The following DENND4C variants were observed in gnomAD, a reference collection of about 807,000 sequenced individuals.
DENND4C encodes DENN domain-containing protein 4C.
In DENND4C, 108 loss-of-function variants were observed where a neutral mutation model predicts 203.0. The ratio of observed to expected loss-of-function variants is 0.53; its 90% CI spans 0.46 to 0.62. The LOEUF (loss-of-function observed/expected upper bound fraction) is 0.62. DENND4C is among the 20% of genes least tolerant of loss of function. The probability of loss-of-function intolerance (pLI) is 0.00; values close to 1 mark genes in which losing one functional copy is unlikely to be tolerated. For missense variants in DENND4C, 2,481 were observed against 2,301.2 expected (o/e 1.08, Z -1.60); for synonymous variants, 871 against 792.4 (o/e 1.10, Z -1.67).
chr9:19,350,951 C>T lies in DENND4C; in HGVS notation c.4495+72C>T, dbSNP rs73648908. 14,041 of 1,454,682 alleles carry T rather than the reference C, an allele frequency of 9.7e-3. 1,110 individuals are homozygous for T. In the African/African-American group the frequency reaches 0.18, roughly 18 times the overall value. 90.1% of individuals were successfully genotyped at this position (1,454,682 alleles called of 1,614,324 possible). A position where few individuals can be genotyped will look rare whatever the true frequency, so the allele number is the denominator to read the frequency against. ...TGCTTTTTTTTTTTAATTTAAGAGA[C>T]GGGGTTTTGTCTTGTTGCCCAGGCT... On this transcript the variant is annotated intron_variant, in intron 24 of 32. Transcript: ENST00000434457.
At position 19,338,216 on chromosome 9, in the gene DENND4C, T is replaced by C. The variant is rs533751550; in HGVS notation, c.2881+1384T>C. 2.6e-5 allele frequency among the ~76,000 whole-genome samples: 4 copies of C among 152,304 alleles called. No homozygotes were observed. The South Asian group carries it at 8.3e-4, about 32-fold the overall frequency. ...TAAAGCCACCATATTTTATTTCCTCTAGTATTTTTTTCATGATACTTGTAG... is the reference window on the plus strand; with the variant it reads ...TAAAGCCACCATATTTTATTTCCTCCAGTATTTTTTTCATGATACTTGTAG... On this transcript the variant is annotated intron_variant, in intron 20 of 32. Coordinates refer to ENST00000434457, the MANE Select transcript of DENND4C (RefSeq NM_001330640.2).
chr9:19,346,515 G>T lies in DENND4C; in HGVS notation c.3746G>T (p.Gly1249Val), dbSNP rs780309738. ...KVVQREDVET[G>V]LDPLSLLATE... ...GTTCAGAGGGAAGATGTTGAAACTG[G>T]ACTAGATCCTTTGTCTCTTTTAGCC... is the stretch of plus-strand genomic sequence containing the variant. Residue 1249 changes from glycine (G) to valine (V), a missense_variant, in exon 23 of 33, where the codon GGA becomes GTA. Physicochemically the swap from Gly to Val is moderately radical, Grantham distance 109. Transcript: ENST00000434457. The T allele has an allele frequency of 1.2e-6, 2 of 1,614,138 alleles. No individual in the cohort carries two copies. Among genetic ancestry groups the T allele is most frequent in the Non-Finnish European group, 1.7e-6 (2 of 1,180,034 alleles).
At chr9:19,359,994 G>A (rs1826134831) in intron 28 of DENND4C, among the ~76,000 whole-genome samples, 1 of 151,992 alleles carries the variant, frequency 6.6e-6, no homozygotes, top group African/African-American at 2.4e-5. Flanking sequence ...TCAGGCCATT[G>A]CTCTCAGTGT....
intron 1 of DENND4C, among the ~76,000 whole-genome samples, chr9:19,250,549 A>G (rs1826301554): frequency 1.3e-5 from 2 of 152,122 alleles, no homozygotes; most frequent in Admixed American, 1.3e-4. Context: ...ACTCATTTTG[A>G]CATTAACTCA....
Position 19,361,829 on chromosome 9 carries a change from C to T in DENND4C, c.5407-17C>T. On this transcript the variant is annotated splice_polypyrimidine_tract_variant and intron_variant, in intron 29 of 32. Coordinates refer to ENST00000434457, the MANE Select transcript of DENND4C (RefSeq NM_001330640.2). ...GTTATTCTCGGGATACTAATACTTT[C>T]TTTTGATTTCTTTTAGCTTCCTCTG... The T allele has an allele frequency of 2.1e-6, 3 of 1,452,108 alleles. No individual in the cohort carries two copies. Among genetic ancestry groups the T allele is most frequent in the Non-Finnish European group, 2.9e-6 (3 of 1,033,602 alleles). 90.0% of individuals were successfully genotyped at this position (1,452,108 alleles called of 1,614,324 possible).
Position 19,350,715 on chromosome 9 carries a change from G to C in DENND4C, c.4331G>C (p.Arg1444Thr). The C allele has an allele frequency of 1.2e-6, 2 of 1,608,982 alleles. No individual in the cohort carries two copies. The highest frequency in any genetic ancestry group is 4.5e-5 in the East Asian group (2 of 44,840). The change falls in exon 24 of 33, where the codon AGA becomes ACA. Residue 1444 changes from arginine to threonine, a missense_variant. This residue lies in a region of DENND4C where 2,289 missense variants were observed against 2,113.3 expected (regional missense o/e 1.08). Transcript: ENST00000434457. ...TTTCAATTAAAGGAAGAAACTAATAGAGACTACAGCTTCCCAGCTGGCCTA... is the reference window on the plus strand; with the variant it reads ...TTTCAATTAAAGGAAGAAACTAATACAGACTACAGCTTCCCAGCTGGCCTA... Reference protein sequence around the residue: ...SYSDDEEETNRDYSFPAGLED... With the variant: ...SYSDDEEETNTDYSFPAGLED...
Position 19,346,754 on chromosome 9 carries a change from C to T in DENND4C, c.3985C>T (p.Pro1329Ser), listed in dbSNP as rs747227882. 3 of 1,614,146 alleles carry T rather than the reference C, an allele frequency of 1.9e-6. 1 individual carries two copies. In the South Asian group the frequency reaches 3.3e-5, roughly 18 times the overall value. ...IHALERRSSL[P>S]LDHGSPAQEN... is the part of the protein sequence containing the mutation. ...TGCTCTAGAGAGGAGATCAAGCCTACCTTTAGATCATGGTTCACCAGCACA... is the reference window on the plus strand; with the variant it reads ...TGCTCTAGAGAGGAGATCAAGCCTATCTTTAGATCATGGTTCACCAGCACA... Residue 1329 changes from proline (P) to serine (S), a missense_variant, in exon 23 of 33, where the codon CCT becomes TCT. Physicochemically the swap from Pro to Ser is moderately conservative, Grantham distance 74. Around this residue, in one of 3 missense-constraint regions of DENND4C, gnomAD observed 2,289 missense variants for 2,113.3 expected, o/e 1.08. Transcript: ENST00000434457.
intron 4 of DENND4C, 135 bp downstream of exon 4, chr9:19,288,800 G>A (rs969241746): frequency 2.3e-6 from 1 of 444,028 alleles, no homozygotes; most frequent in Non-Finnish European, 3.7e-6. Flanking sequence ...TATAATTTTA[G>A]CATATAAAGA....
At chr9:19,336,659 T>C (rs1820544878) in intron 19 of DENND4C, 27 bp from the exon 20 acceptor site, 3 of 1,544,320 alleles carry the variant, frequency 1.9e-6, no homozygotes, top group African/African-American at 1.4e-5. Flanking sequence ...GCATGAGTTA[T>C]TGAACTGCTA....
Position 19,324,398 on chromosome 9 carries a change from T to A in DENND4C, c.1844T>A (p.Phe615Tyr). 6.2e-7 allele frequency: 1 copy of A among 1,611,688 alleles called. No individual in the cohort carries two copies. Among genetic ancestry groups the A allele is most frequent in the Non-Finnish European group, 8.5e-7 (1 of 1,179,320 alleles). The change falls in exon 13 of 33, where the codon TTC (phenylalanine) becomes TAC (tyrosine). Residue 615 changes from phenylalanine to tyrosine, a missense_variant. Physicochemically the swap from Phe to Tyr is conservative, Grantham distance 22 (BLOSUM62 3). Coordinates refer to ENST00000434457, the MANE Select transcript of DENND4C (RefSeq NM_001330640.2). ...LKSRDRAYAK[F>Y]YTLLSKTQIF... ...AGTCGAGATCGTGCCTATGCAAAAT[T>A]CTATACCCTTTTATCCAAAACACAG...
chr9:19,263,525 T>G (rs2130691264), intron 1 of DENND4C, among the ~76,000 whole-genome samples: 1 of 151,276 alleles, frequency 6.6e-6, no homozygotes, highest in African/African-American at 2.4e-5. Context: ...CCCTGCTAAT[T>G]TTTTTGTGTT....
At chr9:19,241,593 T>C (rs1823741237) in intron 1 of DENND4C, among the ~76,000 whole-genome samples, 1 of 151,468 alleles carries the variant, frequency 6.6e-6, no homozygotes, top group South Asian at 2.1e-4. Context: ...CCACACAAGG[T>C]CAGGATTATC....
chr9:19,355,987 T>C (rs373836393), intron 26 of DENND4C, among the ~76,000 whole-genome samples: 6 of 152,268 alleles, frequency 3.9e-5, no homozygotes, highest in African/African-American at 1.4e-4. Flanking sequence ...GTGACAAGCA[T>C]TTTATTTTAT....
chr9:19,266,441 AT>A lies in DENND4C; in HGVS notation c.-17-9716del, dbSNP rs981321481. 1.4e-4 allele frequency among the ~76,000 whole-genome samples: 22 copies of A among 152,258 alleles called. 2 individuals are homozygous for A. Among genetic ancestry groups the A allele is most frequent in the Admixed American group, 4.6e-4 (7 of 15,274 alleles). ...CAATCTGATGGTAGTTTCTTTTGCTATGGAGAAGCTCTTTAGTTGAATTAGA... is the reference window on the plus strand; with the variant it reads ...CAATCTGATGGTAGTTTCTTTTGCTAGGAGAAGCTCTTTAGTTGAATTAGA... On this transcript the variant is annotated intron_variant, in intron 1 of 32. Coordinates refer to ENST00000434457, the MANE Select transcript of DENND4C (RefSeq NM_001330640.2).
intron 10 of DENND4C, among the ~76,000 whole-genome samples, chr9:19,311,400 A>T (rs1398106874): frequency 1.3e-5 from 2 of 152,208 alleles, no homozygotes; most frequent in Admixed American, 1.3e-4. Flanking sequence ...TCCTAGAATT[A>T]TAGGCATGAG....
chr9:19,263,755 A>T (rs1313470769), intron 1 of DENND4C, among the ~76,000 whole-genome samples: 1 of 151,628 alleles, frequency 6.6e-6, no homozygotes, highest in Non-Finnish European at 1.5e-5. Flanking sequence ...TCCGGGTTCA[A>T]GCGATTTTCT....
At chr9:19,233,082 G>C (rs1820988486) in intron 1 of DENND4C, among the ~76,000 whole-genome samples, 1 of 151,628 alleles carries the variant, frequency 6.6e-6, no homozygotes, top group African/African-American at 2.4e-5. Flanking sequence ...TCAGTCATAT[G>C]CTTGCACCTT....
intron 1 of DENND4C, among the ~76,000 whole-genome samples, chr9:19,239,178 G>A (rs928519677): frequency 9.9e-5 from 15 of 151,892 alleles, no homozygotes; most frequent in African/African-American, 3.6e-4. Context: ...GCGTCTTGAG[G>A]TGGACATTTA....
chr9:19,361,813 G>A (rs368780124), intron 29 of DENND4C, 33 bp from the exon 30 acceptor site: 27 of 1,280,616 alleles, frequency 2.1e-5, no homozygotes, highest in Non-Finnish European at 2.5e-5. Flanking sequence ...TGTTATTCTC[G>A]GGATACTAAT....
Sources: allele counts gnomAD v4.1 joint callset (sites outside exome capture counted in the v4.1 genomes callset), GRCh38; gene constraint gnomAD v4.1.1; regional missense constraint gnomAD v4.1.1; transcripts MANE v1.5; gene names NCBI Gene and HGNC (gene_info 2026-07-23, HGNC 2026-07-21).